RAB6A: variants seen among roughly 807,000 people sequenced by gnomAD.
RAB6A encodes the protein ras-related protein Rab-6A.
Under a neutral mutation model 32.3 loss-of-function variants are expected in RAB6A, and 8 were observed. The observed-to-expected ratio is 0.25, with a 90% CI of 0.15 to 0.45. The LOEUF (loss-of-function observed/expected upper bound fraction) is 0.45. Ranked by LOEUF, RAB6A falls within the 20% of genes least tolerant of loss-of-function variation. The probability of loss-of-function intolerance (pLI) is 1.00; values close to 1 mark genes in which losing one functional copy is unlikely to be tolerated. For synonymous variants in RAB6A, 73 were observed against 82.1 expected (o/e 0.89, Z 0.60); for missense variants, 104 against 249.4 (o/e 0.42, Z 3.93).
chr11:73,716,391 A>T (rs1268160987), intron 4 of RAB6A, 29 bp from the exon 5 acceptor site: 1 of 1,555,884 alleles, frequency 6.4e-7, no homozygotes, highest in Non-Finnish European at 8.8e-7. Flanking sequence ...CAGAGAGATT[A>T]GTGTTGCTGA....
intron 1 of RAB6A, among the ~76,000 whole-genome samples, chr11:73,731,711 T>C (rs1317068932): frequency 8.4e-4 from 19 of 22,750 alleles, no homozygotes; most frequent in South Asian, 4.5e-3. Context: ...TATATATATA[T>C]ATATATATAT....
chr11:73,729,313 G>T (rs950852531), intron 2 of RAB6A, among the ~76,000 whole-genome samples: 2 of 152,114 alleles, frequency 1.3e-5, no homozygotes, highest in African/African-American at 2.4e-5. Context: ...TGGCCAAGCT[G>T]GTCTTGTACT....
chr11:73,757,119 ATATATATATATTTTTTTTTTT>A (rs1236232413), intron 1 of RAB6A, among the ~76,000 whole-genome samples: 7 of 44,898 alleles, frequency 1.6e-4, no homozygotes, highest in African/African-American at 7.4e-4. Flanking sequence ...ATATATATAT[ATATATATATATTTTTTTTTTT>A]TTTTTTTTTT....
chr11:73,737,842 C>G (rs774192974), intron 1 of RAB6A, among the ~76,000 whole-genome samples: 1 of 151,538 alleles, frequency 6.6e-6, no homozygotes, highest in Admixed American at 6.6e-5. Context: ...AAAAAAAATA[C>G]AAAAATTAGC....
At position 73,700,421 on chromosome 11, in the gene RAB6A, A is replaced by G. The variant is rs547842276; in HGVS notation, c.495+6999T>C. Among the ~76,000 whole-genome samples, 28 of 152,128 alleles carry G rather than the reference A, an allele frequency of 1.8e-4. No individual in the cohort carries two copies. In the East Asian group the frequency reaches 5.4e-3, roughly 29 times the overall value. ...AATATAGCAAGACCCATCTCTAGGA[A>G]AAATAAATAATTAGCTGGGTATGAT... On this transcript the variant is annotated intron_variant, in intron 6 of 7. Coordinates refer to ENST00000336083, the MANE Select transcript of RAB6A (RefSeq NM_198896.2).
At chr11:73,710,264 C>A (rs1236203015) in intron 5 of RAB6A, among the ~76,000 whole-genome samples, 3 of 151,096 alleles carry the variant, frequency 2.0e-5, no homozygotes, top group Admixed American at 2.0e-4. Flanking sequence ...CCGCGCCCGG[C>A]CCCCATGCTT....
chr11:73,705,800 G>GAGAGAGAA, intron 6 of RAB6A, among the ~76,000 whole-genome samples: 1 of 150,262 alleles, frequency 6.7e-6, no homozygotes, highest in South Asian at 2.1e-4. Context: ...GAGAGAGAGA[G>GAGAGAGAA]AGATTTTCAA....
At chr11:73,758,151 G>A (rs957287502) in intron 1 of RAB6A, among the ~76,000 whole-genome samples, 3 of 152,028 alleles carry the variant, frequency 2.0e-5, no homozygotes, top group Non-Finnish European at 2.9e-5. Flanking sequence ...TAACGCATAA[G>A]AAAACTATAG....
chr11:73,709,530 A>G (rs1172416811), intron 5 of RAB6A, among the ~76,000 whole-genome samples: 1 of 148,948 alleles, frequency 6.7e-6, no homozygotes, highest in African/African-American at 2.4e-5. Context: ...AAGTTTTCCT[A>G]CAGTTTGACC....
In RAB6A at chr11:73,676,335, T is replaced by C. The variant is rs1405477540; in HGVS notation, c.*1563A>G. 1.8e-5 allele frequency: 3 copies of C among 167,124 alleles called. No individual in the cohort carries two copies. Among genetic ancestry groups the C allele is most frequent in the African/African-American group, 4.8e-5 (2 of 41,470 alleles). 10.4% of individuals were successfully genotyped at this position (167,124 alleles called of 1,614,324 possible). On this transcript the variant is annotated 3_prime_UTR_variant, in exon 8 of 8. Coordinates refer to ENST00000336083, the MANE Select transcript of RAB6A (RefSeq NM_198896.2). Reference sequence around the variant, plus strand: ...ACAATGTATTTACAAATGTGTTTATTAGCTTACACAGCAATCTCACAATAA... The same window carrying C: ...ACAATGTATTTACAAATGTGTTTATCAGCTTACACAGCAATCTCACAATAA...
At chr11:73,703,996 T>C (rs2134911838) in intron 6 of RAB6A, among the ~76,000 whole-genome samples, 1 of 148,100 alleles carries the variant, frequency 6.8e-6, no homozygotes, top group South Asian at 2.1e-4. Flanking sequence ...GCCACTGCAC[T>C]CCAGCCTGGG....
At position 73,675,868 on chromosome 11, in the gene RAB6A, T is replaced by C. The variant is rs1048667405; in HGVS notation, c.*2030A>G. On this transcript the variant is annotated 3_prime_UTR_variant, in exon 8 of 8. Transcript: ENST00000336083. ...CACCCATGTCAGAAGTCACAACTTC[T>C]TCCAAATAAAGAATATGACCCATCT... The C allele has an allele frequency of 3.0e-5, 5 of 167,104 alleles. No homozygotes were observed. Among genetic ancestry groups the C allele is most frequent in the African/African-American group, 1.2e-4 (5 of 41,460 alleles). 10.4% of individuals were successfully genotyped at this position (167,104 alleles called of 1,614,324 possible). A position where few individuals can be genotyped will look rare whatever the true frequency, so the allele number is the denominator to read the frequency against.
At chr11:73,707,080 T>C (rs1945857811) in intron 6 of RAB6A, among the ~76,000 whole-genome samples, 1 of 146,810 alleles carries the variant, frequency 6.8e-6, no homozygotes, top group Non-Finnish European at 1.5e-5. Flanking sequence ...ATCACGCCAT[T>C]GCATTCAAGC....
chr11:73,698,867 T>TTTTTG (rs1945697397), intron 6 of RAB6A, among the ~76,000 whole-genome samples: 1 of 150,680 alleles, frequency 6.6e-6, no homozygotes, highest in Non-Finnish European at 1.5e-5. Context: ...TTTTTTTTTT[T>TTTTTG]TTGAGATGGA....
At chr11:73,723,801 A>G (rs1053483577) in intron 2 of RAB6A, among the ~76,000 whole-genome samples, 2 of 152,206 alleles carry the variant, frequency 1.3e-5, no homozygotes, top group Non-Finnish European at 2.9e-5. Context: ...TATGAGAGAA[A>G]AAAACCAGGA....
At chr11:73,718,499 TGATAA>T in intron 4 of RAB6A, 109 bp downstream of exon 4, 1 of 855,934 alleles carries the variant, frequency 1.2e-6, no homozygotes, top group African/African-American at 1.7e-5. Flanking sequence ...TAATTTACTA[TGATAA>T]AACTTATTTT....
intron 5 of RAB6A, among the ~76,000 whole-genome samples, chr11:73,710,017 G>A (rs1223257514): frequency 2.7e-5 from 4 of 147,472 alleles, no homozygotes; most frequent in African/African-American, 1.0e-4. Context: ...GGAGTGAAGT[G>A]GCACGATCTC....
chr11:73,737,320 A>G (rs1049590627), intron 1 of RAB6A, among the ~76,000 whole-genome samples: 2 of 152,018 alleles, frequency 1.3e-5, no homozygotes, highest in African/African-American at 4.8e-5. Flanking sequence ...CCCTATCTCT[A>G]CAAAAAATTT....
At chr11:73,707,193 T>A (rs1945860898) in intron 6 of RAB6A, among the ~76,000 whole-genome samples, 1 of 151,834 alleles carries the variant, frequency 6.6e-6, no homozygotes, top group Non-Finnish European at 1.5e-5. Flanking sequence ...AGTGACAATA[T>A]GGTAGATTTA....
Sources: allele counts gnomAD v4.1 joint callset (sites outside exome capture counted in the v4.1 genomes callset), GRCh38; gene constraint gnomAD v4.1.1; transcripts MANE v1.5; gene names NCBI Gene and HGNC (gene_info 2026-07-23, HGNC 2026-07-21).